The following PDE4D variants were observed in gnomAD, a reference collection of about 807,000 sequenced individuals.
PDE4D encodes phosphodiesterase 4D.
A neutral mutation model predicts 87.4 loss-of-function variants in PDE4D; 24 were observed. The ratio of observed to expected loss-of-function variants is 0.27; its 90% CI spans 0.20 to 0.39. The LOEUF (loss-of-function observed/expected upper bound fraction) is 0.39, where lower values mean the gene tolerates loss of function less well. Ranked by LOEUF, PDE4D falls within the 10% of genes least tolerant of loss-of-function variation. The probability of loss-of-function intolerance (pLI) is 1.00; values close to 1 mark genes in which losing one functional copy is unlikely to be tolerated. For missense variants in PDE4D, 714 were observed against 1,041.0 expected (o/e 0.69, Z 4.32); for synonymous variants, 384 against 383.2 (o/e 1.00, Z -0.02).
chr5:60,429,524 G>A (rs1744011107), intron 1 of PDE4D, among the ~76,000 whole-genome samples: 1 of 152,140 alleles, frequency 6.6e-6, no homozygotes, highest in Non-Finnish European at 1.5e-5. Flanking sequence ...CAGTGAGAGT[G>A]GGCATCCTTG....
At chr5:59,556,974 C>G (rs1819047822) in intron 1 of PDE4D, among the ~76,000 whole-genome samples, 1 of 152,134 alleles carries the variant, frequency 6.6e-6, no homozygotes, top group African/African-American at 2.4e-5. Context: ...TTAAATTATT[C>G]AAGTTTGTTT....
intron 1 of PDE4D, among the ~76,000 whole-genome samples, chr5:60,438,224 A>C (rs1744913056): frequency 6.6e-6 from 1 of 152,122 alleles, no homozygotes. Context: ...TTACACTTGC[A>C]AGTAATAATA....
intron 1 of PDE4D, among the ~76,000 whole-genome samples, chr5:60,403,528 T>G (rs1264435140): frequency 6.6e-6 from 1 of 152,258 alleles, no homozygotes; most frequent in African/African-American, 2.4e-5. Flanking sequence ...CCTCTTCCCC[T>G]GTATTCATGT....
rs560954752 is a variant in PDE4D, at chr5:59,179,194, C to T, written c.808+1401G>A. On this transcript the variant is annotated intron_variant, in intron 5 of 14. Transcript: ENST00000340635. ...CGATCTCGGCTCACTGCAACCTCTG[C>T]CTCCTGGGTTCAAGCGATTCTCCTG... Among the ~76,000 whole-genome samples, 279 of 152,282 alleles carry T rather than the reference C, an allele frequency of 1.8e-3. 1 individual carries two copies. Among genetic ancestry groups the T allele is most frequent in the African/African-American group, 6.6e-3 (273 of 41,548 alleles).
At chr5:59,275,837 G>A in intron 1 of PDE4D, 2 of 986,110 alleles carry the variant, frequency 2.0e-6, no homozygotes, top group Non-Finnish European at 2.4e-6. Context: ...ATGACCGGGA[G>A]GTACTGTAAC....
Position 60,025,572 on chromosome 5 carries a change from A to G in PDE4D, c.43-36855T>C, listed in dbSNP as rs541728665. Among the ~76,000 whole-genome samples the G allele has an allele frequency of 3.0e-3, 453 of 152,206 alleles. 3 individuals are homozygous for G. The highest frequency in any genetic ancestry group is 4.9e-3 in the Non-Finnish European group (333 of 68,000). ...AAGCTAGAAAATTTTACAATATACC[A>G]TATTTTTAATATTTATTATTTTAGG... On this transcript the variant is annotated intron_variant, in intron 2 of 16. Coordinates refer to the PDE4D transcript ENST00000502484.
chr5:60,520,758 C>T (rs184006473), intron 1 of PDE4D, among the ~76,000 whole-genome samples: 44 of 152,336 alleles, frequency 2.9e-4, no homozygotes, highest in Admixed American at 1.3e-3. Context: ...ACGGCCCTGG[C>T]CCAGGAGGCC....
chr5:60,110,481 A>G (rs1296511603), intron 2 of PDE4D, among the ~76,000 whole-genome samples: 3 of 152,172 alleles, frequency 2.0e-5, no homozygotes, highest in Admixed American at 6.6e-5. Flanking sequence ...TAGAATGGCC[A>G]TTATGAAAAA....
intron 1 of PDE4D, among the ~76,000 whole-genome samples, chr5:59,223,911 T>G (rs1267525737): frequency 1.3e-5 from 2 of 151,974 alleles, no homozygotes; most frequent in Admixed American, 6.6e-5. Flanking sequence ...CATGTTAGCT[T>G]GTATAATATA....
At chr5:59,658,602 C>T (rs969429291) in intron 1 of PDE4D, among the ~76,000 whole-genome samples, 2 of 152,120 alleles carry the variant, frequency 1.3e-5, no homozygotes, top group Admixed American at 6.5e-5. Flanking sequence ...AGGATGGTCT[C>T]GATCTCCTGA....
intron 5 of PDE4D, among the ~76,000 whole-genome samples, chr5:59,042,743 C>T (rs1759902423): frequency 6.6e-6 from 1 of 152,142 alleles, no homozygotes; most frequent in South Asian, 2.1e-4. Flanking sequence ...AACTATGTAA[C>T]ACCCGCATTC....
intron 2 of PDE4D, among the ~76,000 whole-genome samples, chr5:60,061,685 C>G (rs1469934915): frequency 1.3e-5 from 2 of 152,132 alleles, no homozygotes; most frequent in Admixed American, 6.6e-5. Context: ...TCAAACTATA[C>G]TGCAAGGCTA....
chr5:59,468,033 T>C (rs1351597158), intron 1 of PDE4D, among the ~76,000 whole-genome samples: 1 of 152,180 alleles, frequency 6.6e-6, no homozygotes, highest in African/African-American at 2.4e-5. Context: ...TGCACATCTG[T>C]TTCCATTGAG....
chr5:59,001,229 A>G (rs11750426), intron 6 of PDE4D, among the ~76,000 whole-genome samples: 15,715 of 152,210 alleles, frequency 0.1, 1,288 homozygotes, highest in East Asian at 0.47. Flanking sequence ...AGTTGATTTT[A>G]GCATATAATT....
At chr5:60,116,438 C>A (rs1487385450) in intron 2 of PDE4D, among the ~76,000 whole-genome samples, 5 of 152,038 alleles carry the variant, frequency 3.3e-5, no homozygotes, top group Admixed American at 2.0e-4. Context: ...GCCACCAGTA[C>A]AACATAATCC....
intron 1 of PDE4D, among the ~76,000 whole-genome samples, chr5:59,292,442 G>A (rs899451650): frequency 2.0e-5 from 3 of 151,930 alleles, no homozygotes; most frequent in South Asian, 2.1e-4. Context: ...TTTCCACAAC[G>A]TAGATTATTT....
chr5:59,889,104 C>T (rs1011465035), intron 1 of PDE4D, among the ~76,000 whole-genome samples: 2 of 151,426 alleles, frequency 1.3e-5, no homozygotes, highest in African/African-American at 4.9e-5. Flanking sequence ...GGCTCGTGCC[C>T]GTAGTCCCAG....
chr5:60,098,655 A>G (rs1775939250), intron 2 of PDE4D, among the ~76,000 whole-genome samples: 1 of 151,994 alleles, frequency 6.6e-6, no homozygotes, highest in Non-Finnish European at 1.5e-5. Flanking sequence ...GAATTTATTA[A>G]TTTTAAGTTT....
intron 1 of PDE4D, among the ~76,000 whole-genome samples, chr5:59,809,007 C>T (rs1768043744): frequency 6.6e-6 from 1 of 152,078 alleles, no homozygotes; most frequent in Non-Finnish European, 1.5e-5. Context: ...GCCGGGGGCA[C>T]TATTCAAAAC....
Sources: gnomAD v4.1 joint callset for allele counts (sites outside exome capture counted in the v4.1 genomes callset) on GRCh38, gnomAD v4.1.1 for gene constraint, MANE v1.5 for transcripts, NCBI Gene and HGNC (gene_info 2026-07-23, HGNC 2026-07-21) for gene names.